Variants in EDEM3 observed in about 807,000 individuals in gnomAD.
The protein encoded by EDEM3 is ER degradation enhancing alpha-mannosidase like protein 3.
A neutral mutation model predicts 110.2 loss-of-function variants in EDEM3; 60 were observed. The observed-to-expected ratio is 0.54, with a 90% confidence interval of 0.44 to 0.67. The LOEUF is 0.67. Ranked by LOEUF, EDEM3 falls within the 30% of genes least tolerant of loss-of-function variation. EDEM3 has a pLI of 0.00. For synonymous variants in EDEM3, 352 were observed against 382.9 expected (o/e 0.92, Z 0.94); for missense variants, 996 against 1,121.0 (o/e 0.89, Z 1.59).
chr1:184,718,464 T>A (rs1371984151), intron 11 of EDEM3, among the ~76,000 whole-genome samples: 1 of 152,122 alleles, frequency 6.6e-6, no homozygotes, highest in African/African-American at 2.4e-5. Context: ...AAACTATACT[T>A]TCCAAAACAA....
In EDEM3 at chr1:184,726,117, A is replaced by G. The variant is rs1260205597; in HGVS notation, c.747+138T>C. On this transcript the variant is annotated intron_variant, in intron 7 of 19. Coordinates refer to ENST00000318130, the MANE Select transcript of EDEM3 (RefSeq NM_025191.4). ...TCTAGGTTTTTGACAATTAAAAACCATGTAAAGGAATTTAGACAAAAAGTT... is the reference window on the plus strand; with the variant it reads ...TCTAGGTTTTTGACAATTAAAAACCGTGTAAAGGAATTTAGACAAAAAGTT... 5 of 1,204,104 alleles carry G rather than the reference A, an allele frequency of 4.2e-6. No individual in the cohort carries two copies. The African/African-American group carries it at 4.6e-5, about 11-fold the overall frequency. 74.6% of individuals were successfully genotyped at this position (1,204,104 alleles called of 1,614,324 possible).
chr1:184,699,138 A>G (rs1259806665), intron 19 of EDEM3, among the ~76,000 whole-genome samples: 1 of 151,854 alleles, frequency 6.6e-6, no homozygotes, highest in Non-Finnish European at 1.5e-5. Flanking sequence ...TAAAAGAGGA[A>G]GTGAACCTTG....
Position 184,739,864 on chromosome 1 carries a change from T to C in EDEM3, c.205-2153A>G, listed in dbSNP as rs933427083. On this transcript the variant is annotated intron_variant, in intron 2 of 19. Coordinates refer to ENST00000318130, the MANE Select transcript of EDEM3 (RefSeq NM_025191.4). ...AGTACCAAAATTAAACGGTGGAGTATAGAAGATAAAGCTGCACTGACCACA... is the reference window on the plus strand; with the variant it reads ...AGTACCAAAATTAAACGGTGGAGTACAGAAGATAAAGCTGCACTGACCACA... 3.3e-5 allele frequency among the ~76,000 whole-genome samples: 5 copies of C among 152,134 alleles called. No individual in the cohort carries two copies. The East Asian group carries it at 7.7e-4, about 23-fold the overall frequency.
chr1:184,748,087 G>A (rs1652533829), intron 2 of EDEM3, among the ~76,000 whole-genome samples: 1 of 152,056 alleles, frequency 6.6e-6, no homozygotes, highest in South Asian at 2.1e-4. Context: ...TGCCCAAACT[G>A]AATTAACCAG....
chr1:184,721,055 C>A (rs1650872251), intron 9 of EDEM3: 1 of 385,824 alleles, frequency 2.6e-6, no homozygotes. Context: ...CTCTTATTGG[C>A]AGATCTGCAA....
At chr1:184,735,673 TA>T (rs1651783332) in intron 4 of EDEM3, among the ~76,000 whole-genome samples, 1 of 152,186 alleles carries the variant, frequency 6.6e-6, no homozygotes, top group African/African-American at 2.4e-5. Flanking sequence ...AAGTCCTGAC[TA>T]AAACATAACA....
chr1:184,737,336 C>T (rs1188557198), intron 3 of EDEM3, among the ~76,000 whole-genome samples: 1 of 152,096 alleles, frequency 6.6e-6, no homozygotes, highest in African/African-American at 2.4e-5. Flanking sequence ...GTCCAATGTG[C>T]TAATGACTTT....
In EDEM3 at chr1:184,712,522, C is replaced by T. The variant is rs751088993; in HGVS notation, c.1447G>A (p.Asp483Asn). The T allele has an allele frequency of 7.5e-6, 12 of 1,601,268 alleles. No individual in the cohort carries two copies. The highest frequency in any genetic ancestry group is 1.0e-5 in the Non-Finnish European group (12 of 1,173,202). ...LFADKEDIIF[D>N]IEDYIFTTEA... ...GTTGTAAAGATGTAATCTTCTATGT[C>T]AAAAATAATGTCTTCTTTATCAGCA... Residue 483 changes from aspartate to asparagine, a missense_variant, in exon 14 of 20, where the codon GAC becomes AAC. By Grantham distance (23) the Asp-to-Asn change is conservative. Coordinates refer to ENST00000318130, the MANE Select transcript of EDEM3 (RefSeq NM_025191.4).
In EDEM3 at chr1:184,749,583, T is replaced by A. The variant is rs1225397179; in HGVS notation, c.168A>T (p.Val56=). 1.9e-6 allele frequency: 3 copies of A among 1,551,808 alleles called. No homozygotes were observed. The highest frequency in any genetic ancestry group is 1.7e-6 in the Non-Finnish European group (2 of 1,148,792). Residue 56 remains valine (V), a synonymous_variant, in exon 2 of 20, where the codon GTA becomes GTT. Transcript: ENST00000318130. Reference sequence around the variant, plus strand: ...CATAAGCATGATCAAACATTTCCAGTACTTGATTCCTAATTTTAAAAGAGC... The same window carrying A: ...CATAAGCATGATCAAACATTTCCAGAACTTGATTCCTAATTTTAAAAGAGC... ...REEKQKLGNQ[V]LEMFDHAYGN... is the part of the protein sequence containing the mutation.
chr1:184,749,693 C>T, intron 1 of EDEM3, 101 bp from the exon 2 acceptor site: 1 of 985,104 alleles, frequency 1.0e-6, no homozygotes, highest in Non-Finnish European at 1.4e-6. Context: ...AAAAAATATA[C>T]CAATAAAAAC....
intron 1 of EDEM3, among the ~76,000 whole-genome samples, chr1:184,753,954 A>G (rs1652932482): frequency 6.6e-6 from 1 of 152,220 alleles, no homozygotes; most frequent in African/African-American, 2.4e-5. Context: ...ATTTCCCCCC[A>G]AACATTCTAT....
intron 2 of EDEM3, 109 bp downstream of exon 2, chr1:184,749,438 T>TC: frequency 1.1e-6 from 1 of 895,326 alleles, no homozygotes; most frequent in South Asian, 1.8e-5. Context: ...TTTAAAAACT[T>TC]CCTTTTAAAA....
intron 19 of EDEM3, among the ~76,000 whole-genome samples, chr1:184,699,655 G>T (rs1036766807): frequency 6.6e-6 from 1 of 151,816 alleles, no homozygotes; most frequent in Non-Finnish European, 1.5e-5. Flanking sequence ...GGATAATCAG[G>T]AAAAGTGACC....
intron 2 of EDEM3, among the ~76,000 whole-genome samples, chr1:184,747,033 AC>A (rs1207693594): frequency 6.6e-6 from 1 of 151,598 alleles, no homozygotes; most frequent in Admixed American, 6.6e-5. Context: ...AAAAAAAAAA[AC>A]ATTATTTTAC....
chr1:184,728,566 T>C (rs1558060725), intron 6 of EDEM3, among the ~76,000 whole-genome samples: 1 of 152,102 alleles, frequency 6.6e-6, no homozygotes, highest in South Asian at 2.1e-4. Flanking sequence ...CTCATTTAAA[T>C]CTTGTATCCT....
chr1:184,717,179 T>C (rs1650598833), intron 12 of EDEM3, among the ~76,000 whole-genome samples, 167 bp from the exon 13 acceptor site: 1 of 152,128 alleles, frequency 6.6e-6, no homozygotes, highest in Non-Finnish European at 1.5e-5. Context: ...GAATCTGCTT[T>C]ACAGAATTTC....
chr1:184,749,908 A>G (rs1277654724), intron 1 of EDEM3, among the ~76,000 whole-genome samples: 3 of 152,214 alleles, frequency 2.0e-5, no homozygotes, highest in Non-Finnish European at 4.4e-5. Context: ...TGATGCAGAA[A>G]AACAATGACC....
chr1:184,730,493 G>A (rs1443474387), intron 6 of EDEM3, among the ~76,000 whole-genome samples: 2 of 152,090 alleles, frequency 1.3e-5, no homozygotes, highest in Admixed American at 1.3e-4. Flanking sequence ...AGGCTGAGGT[G>A]GGAGGATCAC....
At chr1:184,717,978 C>T (rs1650646536) in intron 11 of EDEM3, among the ~76,000 whole-genome samples, 1 of 151,772 alleles carries the variant, frequency 6.6e-6, no homozygotes, top group African/African-American at 2.4e-5. Flanking sequence ...TCTCCTAGTT[C>T]TCATATTTAT....
Sources: gnomAD v4.1 joint callset for allele counts (sites outside exome capture counted in the v4.1 genomes callset) on GRCh38, gnomAD v4.1.1 for gene constraint, MANE v1.5 for transcripts, NCBI Gene and HGNC (gene_info 2026-07-23, HGNC 2026-07-21) for gene names.